The following HMGCLL1 variants were observed in gnomAD, a reference collection of about 807,000 sequenced individuals.
HMGCLL1 encodes the protein 3-hydroxy-3-methylglutaryl-CoA lyase like 1, also known as 3-hydroxymethyl-3-methylglutaryl-CoA lyase, cytoplasmic.
In HMGCLL1, 36 loss-of-function variants were observed where a neutral mutation model predicts 39.1. That is an observed-to-expected ratio of 0.92 (90% CI 0.71 to 1.22). The LOEUF is 1.22. Ranked by LOEUF, HMGCLL1 falls within the 50% of genes most tolerant of loss-of-function variation. The pLI is 0.00. For synonymous variants in HMGCLL1, 149 were observed against 144.0 expected, an observed-to-expected ratio of 1.03 and a Z score of -0.25; for missense variants, 451 against 416.5, an observed-to-expected ratio of 1.08 and a Z score of -0.72.
chr6:55,577,263 T>C, intron 1 of HMGCLL1: 1 of 1,458,830 alleles, frequency 6.9e-7, no homozygotes, highest in Non-Finnish European at 9.3e-7. Flanking sequence ...TCAACAGTAT[T>C]GGAACTAAAA....
At chr6:55,477,493 C>T (rs1490151848) in intron 7 of HMGCLL1, among the ~76,000 whole-genome samples, 21 of 59,166 alleles carry the variant, frequency 3.5e-4, no homozygotes, top group Middle Eastern at 0.012. Flanking sequence ...ATTACATATA[C>T]ATATTACATA....
the HMGCLL1 span, among the ~76,000 whole-genome samples, chr6:55,584,866 G>C: frequency 6.6e-6 from 1 of 151,826 alleles, no homozygotes; most frequent in South Asian, 2.1e-4. Flanking sequence ...ATAGAACTTT[G>C]GTGAGCATTA....
At chr6:55,613,218 G>T in the HMGCLL1 span, among the ~76,000 whole-genome samples, 1 of 152,170 alleles carries the variant, frequency 6.6e-6, no homozygotes, top group Non-Finnish European at 1.5e-5. Context: ...TATCATTAGA[G>T]AAATGCAAAT....
the HMGCLL1 span, among the ~76,000 whole-genome samples, chr6:55,647,705 T>G: frequency 6.6e-6 from 1 of 150,840 alleles, no homozygotes; most frequent in South Asian, 2.1e-4. Context: ...ATTCCCCCAT[T>G]TTAACTTTTT....
intron 5 of HMGCLL1, among the ~76,000 whole-genome samples, chr6:55,509,753 G>A (rs1767344302): frequency 1.3e-5 from 2 of 151,776 alleles, no homozygotes; most frequent in Admixed American, 1.3e-4. Context: ...TTTCATCAAA[G>A]GAATTCTTCA....
At chr6:55,642,620 T>C in the HMGCLL1 span, among the ~76,000 whole-genome samples, 4 of 152,092 alleles carry the variant, frequency 2.6e-5, no homozygotes, top group Non-Finnish European at 5.9e-5. Flanking sequence ...TTATACCTTT[T>C]AGTTGTTTTG....
chr6:55,648,206 T>A, the HMGCLL1 span, among the ~76,000 whole-genome samples: 13 of 148,436 alleles, frequency 8.8e-5, no homozygotes, highest in Admixed American at 8.8e-4. Flanking sequence ...TCTTTGCTAT[T>A]GTGAATAGTG....
the HMGCLL1 span, among the ~76,000 whole-genome samples, chr6:55,655,138 T>C: frequency 6.6e-6 from 1 of 151,956 alleles, no homozygotes; most frequent in Non-Finnish European, 1.5e-5. Flanking sequence ...GATAAGCTAT[T>C]TTCCCAATCC....
At chr6:55,639,411 G>C in the HMGCLL1 span, among the ~76,000 whole-genome samples, 1 of 150,014 alleles carries the variant, frequency 6.7e-6, no homozygotes, top group Non-Finnish European at 1.5e-5. Context: ...CACTATTCTA[G>C]ACACAGGAAA....
At chr6:55,664,501 T>C in the HMGCLL1 span, among the ~76,000 whole-genome samples, 1 of 151,896 alleles carries the variant, frequency 6.6e-6, no homozygotes, top group South Asian at 2.1e-4. Context: ...TATATATGTG[T>C]GCCTTAGTAA....
At chr6:55,631,288 A>G in the HMGCLL1 span, among the ~76,000 whole-genome samples, 2 of 151,872 alleles carry the variant, frequency 1.3e-5, no homozygotes, top group Non-Finnish European at 2.9e-5. Flanking sequence ...GGCGTTCCTC[A>G]TTCTTTATGA....
the HMGCLL1 span, among the ~76,000 whole-genome samples, chr6:55,644,729 G>C: frequency 6.6e-6 from 1 of 151,924 alleles, no homozygotes; most frequent in Admixed American, 6.6e-5. Context: ...TTGGTTTCTG[G>C]GTTTTCTATT....
intron 5 of HMGCLL1, 174 bp downstream of exon 5, chr6:55,513,874 T>C: frequency 3.5e-6 from 2 of 575,918 alleles, no homozygotes; most frequent in Non-Finnish European, 5.9e-6. Flanking sequence ...TCACTAATAA[T>C]CAGCAGTGAT....
chr6:55,596,151 C>A, the HMGCLL1 span, among the ~76,000 whole-genome samples: 1 of 152,020 alleles, frequency 6.6e-6, no homozygotes, highest in Non-Finnish European at 1.5e-5. Flanking sequence ...ATGGTGAAAC[C>A]CCATCTCTAC....
At chr6:55,513,790 A>G (rs2127435963) in intron 5 of HMGCLL1, 1 of 482,256 alleles carries the variant, frequency 2.1e-6, no homozygotes, top group South Asian at 3.7e-5. Flanking sequence ...TGTTAATAAA[A>G]TAGTTAATAA....
At chr6:55,592,262 T>C in the HMGCLL1 span, among the ~76,000 whole-genome samples, 38 of 152,162 alleles carry the variant, frequency 2.5e-4, no homozygotes, top group Non-Finnish European at 4.7e-4. Context: ...TTTACTACCA[T>C]TTATTACCCT....
intron 1 of HMGCLL1, among the ~76,000 whole-genome samples, chr6:55,571,708 C>T (rs1474915409): frequency 6.6e-6 from 1 of 152,008 alleles, no homozygotes; most frequent in Non-Finnish European, 1.5e-5. Context: ...ACTCGGGAGG[C>T]TGAGGTAGGA....
At chr6:55,642,653 G>T in the HMGCLL1 span, among the ~76,000 whole-genome samples, 3 of 151,992 alleles carry the variant, frequency 2.0e-5, no homozygotes, top group Admixed American at 6.6e-5. Context: ...TCTACTTTAC[G>T]TTCAGGGGTA....
intron 6 of HMGCLL1, among the ~76,000 whole-genome samples, chr6:55,496,310 T>C (rs955520542): frequency 1.0e-4 from 15 of 145,998 alleles, no homozygotes; most frequent in Non-Finnish European, 2.0e-4. Flanking sequence ...AAATGTATTT[T>C]AAAAGGTTAA....
Sources: allele counts gnomAD v4.1 joint callset (sites outside exome capture counted in the v4.1 genomes callset), GRCh38; gene constraint gnomAD v4.1.1; transcripts MANE v1.5; gene names NCBI Gene and HGNC (gene_info 2026-07-23, HGNC 2026-07-21).